The following NEB variants were observed in gnomAD, a reference collection of about 807,000 sequenced individuals.
NEB encodes nemaline myopathy type 2.
NEB carries 512 observed loss-of-function variants against 952.2 expected under a neutral mutation model. That is an observed-to-expected ratio of 0.54 (90% CI 0.50 to 0.58). The LOEUF is 0.58. Among genes scored for constraint, NEB ranks in the 20% least tolerant of loss-of-function variants. The pLI is 0.00. For missense variants in NEB, 8,428 were observed against 9,231.1 expected, an observed-to-expected ratio of 0.91 and a Z score of 3.56; for synonymous variants, 2,900 against 3,149.8, an observed-to-expected ratio of 0.92 and a Z score of 2.66.
At position 151,501,400 on chromosome 2, in the gene NEB, G is replaced by A. The variant is rs2153071991; in HGVS notation, c.24012C>T (p.Asn8004=). The part of the protein sequence containing the change: ...EMERVKLNQE[N]FSSVLYKENV... ...GCTTTCTCCCAAATACCGAGCTAAA[G>A]TTTTCTTGATTGAGTTTGACTCGCT... The change falls in exon 168 of 182, where the codon AAC becomes AAT. Residue 8004 remains asparagine (N), a synonymous_variant. Coordinates refer to ENST00000397345, the MANE Select transcript of NEB (RefSeq NM_001164508.2). The A allele has an allele frequency of 6.5e-7, 1 of 1,548,454 alleles. No homozygotes were observed. Among genetic ancestry groups the A allele is most frequent in the South Asian group, 1.2e-5 (1 of 83,586 alleles).
intron 9 of NEB, among the ~76,000 whole-genome samples, chr2:151,719,845 T>A (rs1441776176): frequency 7.3e-6 from 1 of 137,152 alleles, no homozygotes; most frequent in African/African-American, 2.7e-5. Context: ...CAAGATTGTA[T>A]CACTGCACTC....
At chr2:151,525,400 A>G (rs1276079065) in intron 150 of NEB, 127 bp from the exon 151 acceptor site, 2 of 676,562 alleles carry the variant, frequency 3.0e-6, no homozygotes, top group South Asian at 1.8e-5. Context: ...GGACTTAGAT[A>G]AGACCCATAT....
intron 81 of NEB, 125 bp from the exon 82 acceptor site, chr2:151,608,801 G>A (rs2097783397): frequency 9.7e-6 from 1 of 103,446 alleles, no homozygotes. Flanking sequence ...TACTTGGGAG[G>A]CTGAGGCAGG....
chr2:151,556,466 G>A (rs2095653269), intron 124 of NEB, among the ~76,000 whole-genome samples: 1 of 152,182 alleles, frequency 6.6e-6, no homozygotes, highest in South Asian at 2.1e-4. Context: ...GATTTAAAGT[G>A]TTACAGAAAA....
intron 150 of NEB, among the ~76,000 whole-genome samples, chr2:151,525,504 T>C (rs1026299369): frequency 1.3e-5 from 2 of 152,198 alleles, no homozygotes; most frequent in Admixed American, 1.3e-4. Context: ...TTAAGCTCTT[T>C]TATTTACTAT....
chr2:151,635,119 T>C (rs2098732568), intron 64 of NEB, among the ~76,000 whole-genome samples: 1 of 152,194 alleles, frequency 6.6e-6, no homozygotes, highest in African/African-American at 2.4e-5. Flanking sequence ...ATGGGGATAA[T>C]GATAATATCT....
At chr2:151,623,981 T>G (rs1379227477) in intron 71 of NEB, among the ~76,000 whole-genome samples, 2 of 152,158 alleles carry the variant, frequency 1.3e-5, no homozygotes, top group African/African-American at 4.8e-5. Context: ...AGCTTGTTAC[T>G]TAAGAAAACT....
rs1346554177 is a variant in NEB at position 151,570,234 on chromosome 2, CT to C, written c.17276del (p.Gln5759ArgfsTer40). On this transcript the variant is annotated frameshift_variant, in exon 109 of 182. Transcript: ENST00000397345. LOFTEE classifies it high-confidence loss of function. ...GGATGGAAAGCATGTCCACAGGGCT[CT>C]GGATCTTGGCCTTCCATTTGGCCCA... ...LDWAKWKAKI[Q>X]SPVDMLSILH... 1.9e-6 allele frequency: 3 copies of C among 1,613,668 alleles called. No homozygotes were observed. The African/African-American group carries it at 4.0e-5, about 22-fold the overall frequency.
chr2:151,510,312 G>A (rs1575594291), intron 161 of NEB, among the ~76,000 whole-genome samples: 1 of 152,192 alleles, frequency 6.6e-6, no homozygotes, highest in East Asian at 1.9e-4. Context: ...TCATTATTTT[G>A]TTATGCTTTA....
chr2:151,485,598 T>TA lies in NEB; in HGVS notation c.*161dup, dbSNP rs2049689747. The TA allele has an allele frequency of 1.4e-5, 8 of 588,926 alleles. No individual in the cohort carries two copies. The East Asian group carries it at 2.2e-4, about 16-fold the overall frequency. The allele number at this position is 588,926 out of a possible 1,614,324, so 36.5% of individuals were successfully genotyped here. ...CTTTTAAAGTGTCTGTTCTGCAACT[T>TA]ATTTTAAAACCCAAAGGAGAAAGGA... On this transcript the variant is annotated 3_prime_UTR_variant, in exon 182 of 182. Coordinates refer to ENST00000397345, the MANE Select transcript of NEB (RefSeq NM_001164508.2).
At chr2:151,541,400 A>G in intron 136 of NEB, 47 bp downstream of exon 136, 1 of 1,448,594 alleles carries the variant, frequency 6.9e-7, no homozygotes, top group Non-Finnish European at 9.6e-7. Context: ...ACATATAATC[A>G]CCCCCTGTGA....
In NEB at chr2:151,562,102, T is replaced by C. The variant is rs1317627664; in HGVS notation, c.18996+8A>G. 1 of 1,608,860 alleles carries C rather than the reference T, an allele frequency of 6.2e-7. No homozygotes were observed. The highest frequency in any genetic ancestry group is 1.1e-5 in the South Asian group (1 of 90,930). On this transcript the variant is annotated splice_region_variant and intron_variant, in intron 121 of 181. Transcript: ENST00000397345. ...TGGAGAACCAGTCCTTCTAGGAAGG[T>C]GGCTCACCTGACTCTGAAGGTCGTA...
chr2:151,620,335 ATGTATG>A (rs2098371124), intron 72 of NEB, among the ~76,000 whole-genome samples: 1 of 106,638 alleles, frequency 9.4e-6, no homozygotes, highest in African/African-American at 4.1e-5. Context: ...TTATATATAT[ATGTATG>A]TGTGTGTATA....
chr2:151,519,763 T>C lies in NEB; in HGVS notation c.22485A>G (p.Lys7495=), dbSNP rs764127039. 5 of 1,601,166 alleles carry C rather than the reference T, an allele frequency of 3.1e-6. No individual in the cohort carries two copies. The highest frequency in any genetic ancestry group is 3.4e-6 in the Non-Finnish European group (4 of 1,168,532). ...TTTCTTTATCGAAATTTTCTCGGTATTTAACCTAACAGCAAATGCAAACAT... is the reference window on the plus strand; with the variant it reads ...TTTCTTTATCGAAATTTTCTCGGTACTTAACCTAACAGCAAATGCAAACAT... ...KKAAKLSSQV[K]YRENFDKEKG... Residue 7495 remains lysine (K), a synonymous_variant, in exon 154 of 182, where the codon AAA becomes AAG. Transcript: ENST00000397345.
chr2:151,650,811 T>A lies in NEB; in HGVS notation c.6990A>T (p.Lys2330Asn). The change falls in exon 53 of 182, where the codon AAA becomes AAT. Residue 2330 changes from lysine to asparagine, a missense_variant. Lys to Asn is a moderately conservative substitution (Grantham distance 94). This residue lies in a region of NEB where 1,772 missense variants were observed against 1,960.3 expected (regional missense o/e 0.90). Coordinates refer to ENST00000397345, the MANE Select transcript of NEB (RefSeq NM_001164508.2). ...VGFRSLQDDPKLVLSMNVAKM... is the reference protein window; with the variant it reads ...VGFRSLQDDPNLVLSMNVAKM... ...TGGCTACATTCATGGACAACACAAG[T>A]TTTGGGTCATCTTGCAGACTCCGGA... 2 of 1,613,886 alleles carry A rather than the reference T, an allele frequency of 1.2e-6. No individual in the cohort carries two copies. Among genetic ancestry groups the A allele is most frequent in the Non-Finnish European group, 1.7e-6 (2 of 1,179,824 alleles).
At chr2:151,634,502 C>T (rs1039043000) in intron 64 of NEB, among the ~76,000 whole-genome samples, 3 of 152,022 alleles carry the variant, frequency 2.0e-5, no homozygotes, top group African/African-American at 4.8e-5. Context: ...ATAAGCCGGG[C>T]GTGGTGGCGG....
intron 136 of NEB, 125 bp from the exon 137 acceptor site, chr2:151,540,926 TTTGC>T (rs1324840551): frequency 1.4e-5 from 11 of 784,644 alleles, no homozygotes; most frequent in East Asian, 1.1e-4. Context: ...CTGATGTTTG[TTTGC>T]TTGTTTTTTT....
intron 46 of NEB, 107 bp downstream of exon 46, chr2:151,662,028 C>CA (rs1226856053): frequency 1.7e-5 from 15 of 877,120 alleles, no homozygotes; most frequent in Non-Finnish European, 2.3e-5. Flanking sequence ...AAAATAACCT[C>CA]AAGTGTGATG....
chr2:151,498,372 C>A lies in NEB; in HGVS notation c.24115-20G>T. 1.3e-6 allele frequency: 2 copies of A among 1,504,396 alleles called. No homozygotes were observed. Among genetic ancestry groups the A allele is most frequent in the Admixed American group, 2.1e-5 (1 of 48,254 alleles). The allele number at this position is 1,504,396 out of a possible 1,614,324, so 93.2% of individuals were successfully genotyped here. ...TAGCACCTGTATGATGAGAAAGCAT[C>A]CAGAACAAAAAAAGCAATCAATCAG... On this transcript the variant is annotated intron_variant, in intron 169 of 181. Coordinates refer to ENST00000397345, the MANE Select transcript of NEB (RefSeq NM_001164508.2).
Sources: gnomAD v4.1 joint callset for allele counts (sites outside exome capture counted in the v4.1 genomes callset) on GRCh38, gnomAD v4.1.1 for gene constraint, gnomAD v4.1.1 regional missense constraint, MANE v1.5 for transcripts, NCBI Gene and HGNC (gene_info 2026-07-23, HGNC 2026-07-21) for gene names.